The following CNBD1 variants were observed in gnomAD, a reference collection of about 807,000 sequenced individuals.
CNBD1 encodes cyclic nucleotide binding domain containing 1, also known as cyclic nucleotide-binding domain-containing protein 1.
CNBD1 carries 71 observed loss-of-function variants against 54.4 expected under a neutral mutation model. The ratio of observed to expected loss-of-function variants is 1.30; its 90% confidence interval spans 1.08 to 1.59. The LOEUF is 1.59. Among genes scored for constraint, CNBD1 ranks in the 40% most tolerant of loss-of-function variants. The pLI, the probability that CNBD1 is intolerant of heterozygous loss-of-function variation, is 0.00. For synonymous variants in CNBD1, 182 were observed against 170.7 expected (o/e 1.07, Z -0.51); for missense variants, 659 against 518.0 (o/e 1.27, Z -2.64).
At chr8:87,034,136 A>G (rs1341122122) in intron 4 of CNBD1, among the ~76,000 whole-genome samples, 1 of 152,166 alleles carries the variant, frequency 6.6e-6, no homozygotes, top group East Asian at 1.9e-4. Flanking sequence ...TGCTGTATTC[A>G]TTTATCTTGA....
intron 8 of CNBD1, among the ~76,000 whole-genome samples, chr8:87,334,719 CTTTTCTT>C (rs1422352963): frequency 2.0e-4 from 25 of 126,158 alleles, no homozygotes; most frequent in African/African-American, 5.7e-4. Flanking sequence ...TTTCTTTTTT[CTTTTCTT>C]TTTTTTTTTT....
chr8:87,190,883 G>T (rs1419382087), intron 4 of CNBD1, among the ~76,000 whole-genome samples: 2 of 127,668 alleles, frequency 1.6e-5, no homozygotes, highest in Admixed American at 8.1e-5. Context: ...ATAGATACAT[G>T]TACGTATATC....
At chr8:86,920,431 T>A (rs1334839740) in intron 3 of CNBD1, among the ~76,000 whole-genome samples, 2 of 152,196 alleles carry the variant, frequency 1.3e-5, no homozygotes, top group Admixed American at 1.3e-4. Flanking sequence ...TCTTAGTTTG[T>A]GTTATATAAC....
intron 4 of CNBD1, among the ~76,000 whole-genome samples, chr8:87,137,159 A>G (rs60376190): frequency 0.16 from 18,735 of 118,832 alleles, 2,090 homozygotes; most frequent in Admixed American, 0.19. Flanking sequence ...TTTATTCTAT[A>G]TAAATTATAT....
intron 4 of CNBD1, among the ~76,000 whole-genome samples, chr8:86,971,528 C>T (rs1318478161): frequency 6.6e-6 from 1 of 152,108 alleles, no homozygotes; most frequent in Non-Finnish European, 1.5e-5. Flanking sequence ...CTTTGGATAA[C>T]TGATGAGACA....
At chr8:87,297,557 T>A (rs1808902123) in intron 8 of CNBD1, among the ~76,000 whole-genome samples, 1 of 152,154 alleles carries the variant, frequency 6.6e-6, no homozygotes, top group Non-Finnish European at 1.5e-5. Context: ...ATCTTATAAA[T>A]CACTTTAATA....
intron 2 of CNBD1, among the ~76,000 whole-genome samples, chr8:87,412,043 C>T (rs748968650): frequency 1.3e-5 from 2 of 151,752 alleles, no homozygotes; most frequent in Non-Finnish European, 1.5e-5. Context: ...GCACAAATAC[C>T]CTTTTTTGAT....
chr8:87,331,098 T>A (rs1046447404), intron 8 of CNBD1, among the ~76,000 whole-genome samples: 8 of 152,198 alleles, frequency 5.3e-5, no homozygotes, highest in Admixed American at 3.3e-4. Flanking sequence ...GTGCAGAACA[T>A]GAAGGTTTGT....
intron 8 of CNBD1, among the ~76,000 whole-genome samples, chr8:87,325,959 G>A (rs1460623158): frequency 9.2e-6 from 1 of 108,974 alleles, no homozygotes; most frequent in African/African-American, 3.5e-5. Flanking sequence ...TCCTTTCCAT[G>A]TTTAGCGCTT....
intron 6 of CNBD1, among the ~76,000 whole-genome samples, chr8:87,243,986 A>G (rs536344030): frequency 2.7e-4 from 41 of 152,232 alleles, no homozygotes; most frequent in African/African-American, 9.6e-4. Flanking sequence ...AGCCCTGAAA[A>G]TTTGAGACAG....
In CNBD1 at chr8:87,382,737, G is replaced by A. The variant is rs1284292356; in HGVS notation, c.*110G>A. On this transcript the variant is annotated 3_prime_UTR_variant, in exon 11 of 11. Coordinates refer to ENST00000518476, the MANE Select transcript of CNBD1 (RefSeq NM_173538.3). ...ACCAGCAATGAATTTGGTCTATTGT[G>A]ACTACATATCCTGGATTCCCCAGGA... The A allele has an allele frequency of 2.6e-6, 2 of 754,772 alleles. No homozygotes were observed. The highest frequency in any genetic ancestry group is 4.2e-6 in the Non-Finnish European group (2 of 474,812). 46.8% of individuals were successfully genotyped at this position (754,772 alleles called of 1,614,324 possible).
chr8:87,352,493 A>AAAAAAG lies in CNBD1; in HGVS notation c.1152+702_1152+703insAAGAAA, dbSNP rs1189267873. ...GACTCTGTCTCAAAAAAAAAAAAAAAAAACTTATATGAATTCTTACAAACT... is the reference window on the plus strand; with the variant it reads ...GACTCTGTCTCAAAAAAAAAAAAAAAAAAAAGAAACTTATATGAATTCTTACAAACT... On this transcript the variant is annotated intron_variant, in intron 9 of 10. Coordinates refer to ENST00000518476, the MANE Select transcript of CNBD1 (RefSeq NM_173538.3). Among the ~76,000 whole-genome samples the AAAAAAG allele has an allele frequency of 4.6e-5, 7 of 151,644 alleles. 1 individual carries two copies. Among genetic ancestry groups the AAAAAAG allele is most frequent in the Non-Finnish European group, 1.0e-4 (7 of 67,892 alleles).
chr8:87,109,422 T>C (rs1811610210), intron 4 of CNBD1, among the ~76,000 whole-genome samples: 1 of 152,088 alleles, frequency 6.6e-6, no homozygotes, highest in African/African-American at 2.4e-5. Context: ...CCTGATGGCA[T>C]AAAAATAGTT....
chr8:87,009,891 C>A (rs1586195939), intron 4 of CNBD1, among the ~76,000 whole-genome samples: 1 of 152,262 alleles, frequency 6.6e-6, no homozygotes, highest in African/African-American at 2.4e-5. Flanking sequence ...AAGATGTCAG[C>A]CTACCATCTT....
At chr8:87,226,931 G>A (rs1814512786) in intron 5 of CNBD1, among the ~76,000 whole-genome samples, 1 of 151,648 alleles carries the variant, frequency 6.6e-6, no homozygotes, top group East Asian at 1.9e-4. Flanking sequence ...CTCCTCTATT[G>A]GGTGCATATA....
chr8:87,249,784 T>C (rs1807876887), intron 6 of CNBD1, among the ~76,000 whole-genome samples: 1 of 152,146 alleles, frequency 6.6e-6, no homozygotes. Flanking sequence ...AGTTTGACAG[T>C]ATGCAAGATA....
intron 8 of CNBD1, among the ~76,000 whole-genome samples, chr8:87,330,232 T>TC (rs1357974627): frequency 3.1e-5 from 1 of 32,476 alleles, no homozygotes; most frequent in Non-Finnish European, 6.4e-5. Context: ...TCCTTCTCTC[T>TC]TTTTTTTTTT....
At chr8:87,205,199 G>A (rs1813945841) in intron 4 of CNBD1, among the ~76,000 whole-genome samples, 1 of 152,140 alleles carries the variant, frequency 6.6e-6, no homozygotes, top group South Asian at 2.1e-4. Flanking sequence ...AAACTGCTGA[G>A]CATTTTGTAT....
intron 4 of CNBD1, among the ~76,000 whole-genome samples, chr8:87,190,656 T>A (rs143944358): frequency 1.9e-3 from 290 of 152,190 alleles, no homozygotes; most frequent in African/African-American, 6.3e-3. Flanking sequence ...AGGCTTGCCA[T>A]TTAATTTGCA....
Sources: allele counts gnomAD v4.1 joint callset (sites outside exome capture counted in the v4.1 genomes callset), GRCh38; gene constraint gnomAD v4.1.1; transcripts MANE v1.5; gene names NCBI Gene and HGNC (gene_info 2026-07-23, HGNC 2026-07-21).